GARNL3: variants seen among roughly 807,000 people sequenced by gnomAD.
The protein encoded by GARNL3 is GTPase activating Rap/RanGAP domain like 3.
A neutral mutation model predicts 125.0 loss-of-function variants in GARNL3; 63 were observed. That is an observed-to-expected ratio of 0.50 (90% CI 0.41 to 0.62). GARNL3 has a LOEUF of 0.62. Among genes scored for constraint, GARNL3 ranks in the 20% least tolerant of loss-of-function variants. GARNL3 has a pLI of 0.00. For synonymous variants in GARNL3, 439 were observed against 457.5 expected (o/e 0.96, Z 0.52); for missense variants, 994 against 1,244.0 (o/e 0.80, Z 3.02).
At chr9:127,282,711 A>G (rs761411314) in intron 1 of GARNL3, among the ~76,000 whole-genome samples, 41 of 152,198 alleles carry the variant, frequency 2.7e-4, no homozygotes, top group African/African-American at 8.9e-4. Context: ...TGTGATTTAT[A>G]TACCTGAATG....
chr9:127,312,521 C>T (rs890261509), intron 3 of GARNL3, among the ~76,000 whole-genome samples: 1 of 151,988 alleles, frequency 6.6e-6, no homozygotes, highest in African/African-American at 2.4e-5. Context: ...TGAAAATATA[C>T]AGAAAGGTGG....
chr9:127,359,615 T>G (rs779380238), intron 21 of GARNL3, among the ~76,000 whole-genome samples: 2 of 152,236 alleles, frequency 1.3e-5, no homozygotes, highest in Non-Finnish European at 2.9e-5. Context: ...GCTAGTTTCC[T>G]AAGACTTAGC....
rs772141471 is a variant in GARNL3, at chr9:127,374,909, CA to C, written c.2162-8513del. 6.5e-3 allele frequency among the ~76,000 whole-genome samples: 414 copies of C among 63,208 alleles called. 3 individuals are homozygous for C. The highest frequency in any genetic ancestry group is 0.01 in the Non-Finnish European group (287 of 28,098). 41.5% of individuals were successfully genotyped at this position (63,208 alleles called of 152,430 possible). The stretch of plus-strand genomic sequence containing the variant: ...GCAGTATCATGAGACTCCATCTCTA[CA>C]AAAAAAAAAAAAAAACAACAAAGAA... On this transcript the variant is annotated intron_variant, in intron 22 of 27. Coordinates refer to ENST00000373387, the MANE Select transcript of GARNL3 (RefSeq NM_032293.5).
At chr9:127,282,353 A>G (rs2064127565) in intron 1 of GARNL3, among the ~76,000 whole-genome samples, 1 of 152,244 alleles carries the variant, frequency 6.6e-6, no homozygotes, top group African/African-American at 2.4e-5. Flanking sequence ...TTATAGCATT[A>G]TAACATTTAT....
At chr9:127,237,584 CAAAA>C (rs2063135326) in intron 1 of GARNL3, among the ~76,000 whole-genome samples, 1 of 152,150 alleles carries the variant, frequency 6.6e-6, no homozygotes, top group Non-Finnish European at 1.5e-5. Flanking sequence ...CCAATCATAA[CAAAA>C]ATAAATGAGA....
chr9:127,320,846 T>A, intron 6 of GARNL3, 68 bp downstream of exon 6: 5 of 1,060,686 alleles, frequency 4.7e-6, no homozygotes, highest in Non-Finnish European at 7.2e-6. Flanking sequence ...AACTGACAGG[T>A]CATCATAATC....
Position 127,247,735 on chromosome 9 carries a change from G to A in GARNL3, c.143+4486G>A, listed in dbSNP as rs143603100. 9.2e-5 allele frequency among the ~76,000 whole-genome samples: 14 copies of A among 152,178 alleles called. No homozygotes were observed. In the East Asian group the frequency reaches 2.3e-3, roughly 25 times the overall value. ...GTGTTATAATCACATCAGGGTAATT[G>A]GGGTATCCCTCGCCTTAAGCATTTA... On this transcript the variant is annotated intron_variant, in intron 2 of 10. Transcript: ENST00000439286.
intron 21 of GARNL3, chr9:127,362,386 T>C (rs1831059850): frequency 6.6e-6 from 1 of 152,182 alleles, no homozygotes. Flanking sequence ...TCTCCATTTT[T>C]ATTGAAAAGG....
At chr9:127,358,295 C>T (rs1830796371) in intron 21 of GARNL3, among the ~76,000 whole-genome samples, 1 of 152,244 alleles carries the variant, frequency 6.6e-6, no homozygotes, top group Admixed American at 6.5e-5. Context: ...TGAGGCAGGA[C>T]AAGGCCTGCT....
intron 5 of GARNL3, among the ~76,000 whole-genome samples, chr9:127,320,136 G>A (rs1467568618): frequency 6.6e-6 from 1 of 152,092 alleles, no homozygotes; most frequent in Non-Finnish European, 1.5e-5. Flanking sequence ...AATAGTACTT[G>A]CCTCATAAGG....
At chr9:127,389,422 T>C (rs944709731) in intron 26 of GARNL3, among the ~76,000 whole-genome samples, 7 of 152,172 alleles carry the variant, frequency 4.6e-5, no homozygotes, top group African/African-American at 1.7e-4. Flanking sequence ...AAAGTACCAA[T>C]CTATGTATGA....
chr9:127,259,985 A>T (rs2131242875), upstream of GARNL3, among the ~76,000 whole-genome samples: 1 of 152,320 alleles, frequency 6.6e-6, no homozygotes. Flanking sequence ...GTGAGCTATG[A>T]TTACACCACT....
At chr9:127,361,710 C>T (rs1831008729) in intron 21 of GARNL3, 1 of 152,296 alleles carries the variant, frequency 6.6e-6, no homozygotes, top group Non-Finnish European at 1.5e-5. Flanking sequence ...GCCCAACTCT[C>T]TGAATATTGC....
chr9:127,234,828 G>C (rs775392051), intron 1 of GARNL3, among the ~76,000 whole-genome samples: 7 of 152,148 alleles, frequency 4.6e-5, no homozygotes, highest in Non-Finnish European at 8.8e-5. Flanking sequence ...TTGGGATTCT[G>C]TTATACAGAC....
chr9:127,283,534 G>T (rs941775356), intron 1 of GARNL3, among the ~76,000 whole-genome samples: 4 of 152,164 alleles, frequency 2.6e-5, no homozygotes, highest in African/African-American at 9.7e-5. Flanking sequence ...GCCAAGCGTG[G>T]TGGCATGTGC....
At chr9:127,301,924 A>ATTTT (rs2064802130) in intron 2 of GARNL3, among the ~76,000 whole-genome samples, 1 of 74,180 alleles carries the variant, frequency 1.3e-5, no homozygotes, top group Non-Finnish European at 2.6e-5. Flanking sequence ...CATTGGGAGG[A>ATTTT]CTTTTTTTTT....
At chr9:127,260,928 A>G (rs896653337), upstream of GARNL3, among the ~76,000 whole-genome samples, 1 of 152,164 alleles carries the variant, frequency 6.6e-6, no homozygotes, top group Non-Finnish European at 1.5e-5. Flanking sequence ...TTGCTCACTC[A>G]TATCAGAGCC....
intron 17 of GARNL3, among the ~76,000 whole-genome samples, chr9:127,350,054 C>T (rs941709675): frequency 2.0e-5 from 3 of 152,102 alleles, no homozygotes; most frequent in African/African-American, 7.2e-5. Flanking sequence ...AGATGTGGGC[C>T]GTGCTTCATA....
intron 21 of GARNL3, among the ~76,000 whole-genome samples, chr9:127,361,203 C>T (rs773118980): frequency 5.9e-5 from 9 of 152,152 alleles, no homozygotes; most frequent in Non-Finnish European, 1.3e-4. Flanking sequence ...TTTACAACCA[C>T]CATACATTAT....
Sources: gnomAD v4.1 joint callset for allele counts (sites outside exome capture counted in the v4.1 genomes callset) on GRCh38, gnomAD v4.1.1 for gene constraint, MANE v1.5 for transcripts, NCBI Gene and HGNC (gene_info 2026-07-23, HGNC 2026-07-21) for gene names.